Variants in FAF1 observed in about 807,000 individuals in gnomAD.
FAF1 encodes the protein FAS-associated factor 1.
A neutral mutation model predicts 92.5 loss-of-function variants in FAF1; 25 were observed. The observed-to-expected ratio is 0.27, with a 90% CI of 0.20 to 0.38. The LOEUF (loss-of-function observed/expected upper bound fraction) is 0.38. Ranked by LOEUF, FAF1 falls within the 10% of genes least tolerant of loss-of-function variation. The pLI, the probability that FAF1 is intolerant of heterozygous loss-of-function variation, is 1.00. For missense variants in FAF1, 636 were observed against 793.3 expected (o/e 0.80, Z 2.38); for synonymous variants, 234 against 273.2 (o/e 0.86, Z 1.42).
intron 12 of FAF1, among the ~76,000 whole-genome samples, chr1:50,569,743 G>T (rs1031435059): frequency 1.3e-5 from 2 of 152,266 alleles, no homozygotes; most frequent in African/African-American, 2.4e-5. Context: ...CTTTGGGAAA[G>T]AGATTAGTGA....
At chr1:50,510,287 CTAA>C (rs2149022860) in intron 15 of FAF1, among the ~76,000 whole-genome samples, 1 of 152,036 alleles carries the variant, frequency 6.6e-6, no homozygotes, top group East Asian at 1.9e-4. Flanking sequence ...GACTATTAAC[CTAA>C]TAATAATCCC....
chr1:50,567,049 A>G, intron 13 of FAF1, 28 bp downstream of exon 13: 1 of 1,490,854 alleles, frequency 6.7e-7, no homozygotes, highest in Non-Finnish European at 9.0e-7. Flanking sequence ...TAGAAGCCCA[A>G]CTTGTAACTT....
intron 5 of FAF1, among the ~76,000 whole-genome samples, chr1:50,740,563 T>C (rs542016338): frequency 6.6e-6 from 1 of 152,240 alleles, no homozygotes; most frequent in South Asian, 2.1e-4. Context: ...CACTCTGGCG[T>C]TTCCTATTGT....
At chr1:50,679,174 CT>C (rs1452526188) in intron 7 of FAF1, among the ~76,000 whole-genome samples, 1 of 152,140 alleles carries the variant, frequency 6.6e-6, no homozygotes, top group African/African-American at 2.4e-5. Flanking sequence ...TTTGTAACTG[CT>C]ATATGTGGCA....
At chr1:50,472,364 AACATAC>A (rs1244484299) in intron 18 of FAF1, among the ~76,000 whole-genome samples, 2 of 90,096 alleles carry the variant, frequency 2.2e-5, no homozygotes, top group African/African-American at 4.1e-5. Context: ...AATTGGGGAA[AACATAC>A]ACACACACAC....
intron 1 of FAF1, among the ~76,000 whole-genome samples, chr1:50,932,346 G>A (rs1287725848): frequency 6.6e-6 from 1 of 152,196 alleles, no homozygotes; most frequent in Admixed American, 6.5e-5. Flanking sequence ...CAGATAAAAT[G>A]AGGGTACAGG....
intron 15 of FAF1, among the ~76,000 whole-genome samples, chr1:50,525,259 A>C (rs1459328159): frequency 1.3e-5 from 2 of 152,228 alleles, no homozygotes; most frequent in Non-Finnish European, 2.9e-5. Flanking sequence ...AATAACACTG[A>C]ATCTATAAAT....
At position 50,734,607 on chromosome 1, in the gene FAF1, G is replaced by A. The variant is rs984437257; in HGVS notation, c.551+4256C>T. ...AAATTAGCCGGGCGTATTGGCGGGC[G>A]CCTGTATTCCCAGCTACTCGGGAGG... On this transcript the variant is annotated intron_variant, in intron 6 of 18. Coordinates refer to ENST00000396153, the MANE Select transcript of FAF1 (RefSeq NM_007051.3). Among the ~76,000 whole-genome samples the A allele has an allele frequency of 1.6e-4, 25 of 151,914 alleles. No homozygotes were observed. In the East Asian group the frequency reaches 4.6e-3, roughly 28 times the overall value.
intron 3 of FAF1, among the ~76,000 whole-genome samples, chr1:50,794,921 G>A (rs2124583227): frequency 6.6e-6 from 1 of 152,142 alleles, no homozygotes; most frequent in African/African-American, 2.4e-5. Context: ...ACAGGCGTGA[G>A]CCACCGTACC....
At chr1:50,925,462 CA>C (rs113312279) in intron 1 of FAF1, among the ~76,000 whole-genome samples, 288 of 141,148 alleles carry the variant, frequency 2.0e-3, no homozygotes, top group Middle Eastern at 3.6e-3. Flanking sequence ...AACTTAGCAC[CA>C]AAAAAAAAAA....
chr1:50,745,162 G>C (rs774894509), intron 4 of FAF1, among the ~76,000 whole-genome samples: 1 of 152,152 alleles, frequency 6.6e-6, no homozygotes, highest in South Asian at 2.1e-4. Flanking sequence ...TTAGCCAAGC[G>C]TGGTGGCACA....
intron 15 of FAF1, among the ~76,000 whole-genome samples, chr1:50,513,488 C>T (rs1237693426): frequency 2.0e-5 from 3 of 151,882 alleles, no homozygotes; most frequent in Non-Finnish European, 4.4e-5. Flanking sequence ...GAGACTCTGT[C>T]TCAAAAAAAA....
At chr1:50,611,944 G>A (rs192973055) in intron 8 of FAF1, among the ~76,000 whole-genome samples, 33 of 152,228 alleles carry the variant, frequency 2.2e-4, no homozygotes, top group Admixed American at 8.5e-4. Context: ...GAAAAGCAAA[G>A]GGCAAAATAA....
intron 3 of FAF1, among the ~76,000 whole-genome samples, chr1:50,795,217 G>T (rs2124583616): frequency 6.6e-6 from 1 of 152,262 alleles, no homozygotes; most frequent in Non-Finnish European, 1.5e-5. Context: ...TCCCCAATAA[G>T]GTGCCATTTC....
chr1:50,630,826 A>ATTTTTTTTTTTTTTTTTTTTTT (rs1471050080), intron 8 of FAF1, among the ~76,000 whole-genome samples: 1 of 125,336 alleles, frequency 8.0e-6, no homozygotes. Context: ...AGTGTATCAT[A>ATTTTTTTTTTTTTTTTTTTTTT]TCTTTTTTTT....
intron 1 of FAF1, among the ~76,000 whole-genome samples, chr1:50,870,831 C>G (rs1466950159): frequency 6.6e-6 from 1 of 152,106 alleles, no homozygotes; most frequent in Non-Finnish European, 1.5e-5. Context: ...ACAATAGCCT[C>G]TAAGTGTTCA....
chr1:50,720,687 C>G (rs2124453229), intron 6 of FAF1, among the ~76,000 whole-genome samples: 1 of 152,214 alleles, frequency 6.6e-6, no homozygotes, highest in Non-Finnish European at 1.5e-5. Context: ...GAACCCCCAC[C>G]CTAGGAATCT....
intron 7 of FAF1, among the ~76,000 whole-genome samples, chr1:50,675,502 T>C (rs1304681114): frequency 1.3e-5 from 2 of 152,224 alleles, no homozygotes; most frequent in African/African-American, 4.8e-5. Flanking sequence ...GACTAGCTGA[T>C]TGCTGTTATA....
intron 1 of FAF1, among the ~76,000 whole-genome samples, chr1:50,890,671 A>C (rs1196220765): frequency 2.0e-5 from 3 of 152,134 alleles, no homozygotes; most frequent in African/African-American, 7.2e-5. Flanking sequence ...CTTTTCTTTG[A>C]GAATGCTGAA....
Sources: gnomAD v4.1 joint callset for allele counts (sites outside exome capture counted in the v4.1 genomes callset) on GRCh38, gnomAD v4.1.1 for gene constraint, MANE v1.5 for transcripts, NCBI Gene and HGNC (gene_info 2026-07-23, HGNC 2026-07-21) for gene names.